The following CHD1 variants were observed in gnomAD, a reference collection of about 807,000 sequenced individuals.
CHD1 encodes chromodomain helicase DNA binding protein 1.
A neutral mutation model predicts 224.2 loss-of-function variants in CHD1; 36 were observed. The observed-to-expected ratio is 0.16, with a 90% CI of 0.12 to 0.21. The LOEUF (loss-of-function observed/expected upper bound fraction) is 0.21. CHD1 is among the 10% of genes least tolerant of loss of function. CHD1 has a pLI of 1.00. For synonymous variants in CHD1, 668 were observed against 658.3 expected, an observed-to-expected ratio of 1.01 and a Z score of -0.23; for missense variants, 1,378 against 1,994.8, an observed-to-expected ratio of 0.69 and a Z score of 5.89.
intron 25 of CHD1, 119 bp downstream of exon 25, chr5:98,874,953 G>A (rs539231284): frequency 7.0e-4 from 431 of 616,494 alleles, no homozygotes; most frequent in Admixed American, 1.7e-3. Context: ...CATTAATTTT[G>A]TAAATGCCGA....
intron 3 of CHD1, among the ~76,000 whole-genome samples, chr5:98,904,174 T>C (rs1389163826): frequency 6.6e-6 from 1 of 152,180 alleles, no homozygotes; most frequent in East Asian, 1.9e-4. Flanking sequence ...TTTGTATTAG[T>C]GCTACTCATA....
At chr5:98,922,996 AG>A (rs10707438) in intron 2 of CHD1, among the ~76,000 whole-genome samples, 17,777 of 150,896 alleles carry the variant, frequency 0.12, 1,399 homozygotes, top group African/African-American at 0.26. Context: ...CTCAAAAAAA[AG>A]AAAAAAAATT....
At chr5:98,898,627 TAAA>T in intron 9 of CHD1, 34 bp downstream of exon 9, 1 of 1,363,556 alleles carries the variant, frequency 7.3e-7, no homozygotes, top group Non-Finnish European at 1.0e-6. Flanking sequence ...ATTTCAAGCA[TAAA>T]AAGAAAGTTT....
rs1336942884 is a variant in CHD1, at chr5:98,898,761, C to T, written c.1089G>A (p.Leu363=). The T allele has an allele frequency of 2.6e-6, 4 of 1,558,920 alleles. No individual in the cohort carries two copies. The highest frequency in any genetic ancestry group is 1.7e-5 in the Admixed American group (1 of 59,012). Residue 363 remains leucine, a synonymous_variant, in exon 9 of 36, where the codon TTG becomes TTA. Transcript: ENST00000614616. ...KKKDQETKRW[L]KNASPEDVEY... is the part of the protein sequence containing the mutation. ...CCACATCTTCTGGAGAGGCATTTTT[C>T]AACCTGAAAAATTATTAATCCAGGA...
chr5:98,903,755 T>C, intron 4 of CHD1, 37 bp downstream of exon 4: 1 of 1,355,268 alleles, frequency 7.4e-7, no homozygotes, highest in Non-Finnish European at 1.1e-6. Flanking sequence ...CAGCAGCATG[T>C]CCACTTTTAA....
chr5:98,902,427 T>C (rs1395448269), intron 5 of CHD1, among the ~76,000 whole-genome samples: 1 of 152,080 alleles, frequency 6.6e-6, no homozygotes, highest in Non-Finnish European at 1.5e-5. Flanking sequence ...GGATTGAGAA[T>C]CTGAAGTATT....
At chr5:98,926,293 T>A (rs1753452876) in intron 2 of CHD1, 41 bp downstream of exon 2, 2 of 1,237,324 alleles carry the variant, frequency 1.6e-6, no homozygotes, top group African/African-American at 1.6e-5. Flanking sequence ...AGTTTTCAAC[T>A]CTCTTCATAG....
intron 1 of CHD1, among the ~76,000 whole-genome samples, chr5:98,927,038 A>C (rs900817100): frequency 2.6e-5 from 4 of 152,156 alleles, no homozygotes; most frequent in Non-Finnish European, 5.9e-5. Flanking sequence ...GGCAAATAAA[A>C]GATACCATAT....
chr5:98,909,577 C>T (rs2545739), intron 2 of CHD1, among the ~76,000 whole-genome samples: 20,849 of 152,106 alleles, frequency 0.14, 1,809 homozygotes, highest in Middle Eastern at 0.27. Flanking sequence ...AAAATGGTGA[C>T]ATCATTCATC....
At chr5:98,868,012 G>A (rs1427805002) in intron 31 of CHD1, among the ~76,000 whole-genome samples, 1 of 151,602 alleles carries the variant, frequency 6.6e-6, no homozygotes, top group Non-Finnish European at 1.5e-5. Flanking sequence ...TGTTGGCCAG[G>A]TTGATCTCAA....
At chr5:98,858,112 T>C in intron 35 of CHD1, 68 bp downstream of exon 35, 1 of 1,255,542 alleles carries the variant, frequency 8.0e-7, no homozygotes. Flanking sequence ...ACAGGTCAAA[T>C]ACAGGAACAT....
At chr5:98,875,696 A>C (rs1749697174) in intron 24 of CHD1, among the ~76,000 whole-genome samples, 2 of 152,198 alleles carry the variant, frequency 1.3e-5, no homozygotes, top group African/African-American at 4.8e-5. Context: ...CAATGTATTA[A>C]ATTTTCTGGT....
intron 2 of CHD1, among the ~76,000 whole-genome samples, chr5:98,922,621 A>T (rs1377969066): frequency 6.6e-6 from 1 of 152,234 alleles, no homozygotes; most frequent in Admixed American, 6.5e-5. Context: ...CTAGCCACTA[A>T]AAAACCAAAA....
intron 2 of CHD1, among the ~76,000 whole-genome samples, chr5:98,918,581 A>T (rs1424211127): frequency 6.6e-6 from 1 of 150,882 alleles, no homozygotes; most frequent in East Asian, 2.0e-4. Context: ...TATCCTGGCC[A>T]ACATGGTGAA....
At chr5:98,916,903 T>C (rs913350415) in intron 2 of CHD1, among the ~76,000 whole-genome samples, 11 of 150,694 alleles carry the variant, frequency 7.3e-5, no homozygotes, top group Non-Finnish European at 1.6e-4. Context: ...TCTGATTCTT[T>C]TATTATAAAT....
chr5:98,911,771 A>G (rs1450471513), intron 2 of CHD1, among the ~76,000 whole-genome samples: 1 of 152,220 alleles, frequency 6.6e-6, no homozygotes, highest in Non-Finnish European at 1.5e-5. Flanking sequence ...TGAGAAATAT[A>G]TTCTATAAAA....
At position 98,897,236 on chromosome 5, in the gene CHD1, A is replaced by AATC; in HGVS notation, c.1447_1449dup (p.Asp483dup). ...AGCCAATTTAAACCATTCAGTTGAT[A>AATC]ATCTCTTAATTCTAAGCCCTCATGT... On this transcript the variant is annotated inframe_insertion, in exon 11 of 36. Coordinates refer to ENST00000614616, the MANE Select transcript of CHD1 (RefSeq NM_001270.4). 6.2e-7 allele frequency: 1 copy of AATC among 1,612,710 alleles called. No individual in the cohort carries two copies. Among genetic ancestry groups the AATC allele is most frequent in the Non-Finnish European group, 8.5e-7 (1 of 1,179,130 alleles).
At chr5:98,894,400 T>C (rs941344676) in intron 13 of CHD1, among the ~76,000 whole-genome samples, 197 bp downstream of exon 13, 11 of 152,214 alleles carry the variant, frequency 7.2e-5, no homozygotes, top group Admixed American at 4.6e-4. Flanking sequence ...TGTTACATAT[T>C]CTTTCTAAGA....
chr5:98,886,953 A>C (rs1016914358), intron 17 of CHD1, among the ~76,000 whole-genome samples: 1 of 152,112 alleles, frequency 6.6e-6, no homozygotes, highest in East Asian at 1.9e-4. Context: ...GACTATGTAC[A>C]CAATAATTTG....
Sources: gnomAD v4.1 joint callset for allele counts (sites outside exome capture counted in the v4.1 genomes callset) on GRCh38, gnomAD v4.1.1 for gene constraint, MANE v1.5 for transcripts, NCBI Gene and HGNC (gene_info 2026-07-23, HGNC 2026-07-21) for gene names.